MGAT4D: variants seen among roughly 807,000 people sequenced by gnomAD.
MGAT4D encodes MGAT4 family member D.
A neutral mutation model predicts 15.9 loss-of-function variants in MGAT4D; 34 were observed. That is an observed-to-expected ratio of 2.14 (90% CI 1.62 to 2.84). MGAT4D has a LOEUF of 2.84. Among genes scored for constraint, MGAT4D ranks in the 30% most tolerant of loss-of-function variants. The pLI, the probability that MGAT4D is intolerant of heterozygous loss-of-function variation, is 0.00. For missense variants in MGAT4D, 327 were observed against 140.2 expected, an observed-to-expected ratio of 2.33 and a Z score of -6.73; for synonymous variants, 112 against 48.2, an observed-to-expected ratio of 2.33 and a Z score of -5.49.
intron 5 of MGAT4D, among the ~76,000 whole-genome samples, chr4:140,468,903 C>T (rs985146748): frequency 6.6e-6 from 1 of 152,078 alleles, no homozygotes; most frequent in Non-Finnish European, 1.5e-5. Flanking sequence ...TTTCCCCCAA[C>T]AAATTAATTT....
chr4:140,479,154 G>C (rs1001809381), intron 3 of MGAT4D, among the ~76,000 whole-genome samples: 1 of 152,106 alleles, frequency 6.6e-6, no homozygotes, highest in African/African-American at 2.4e-5. Flanking sequence ...GAAAGACTGG[G>C]AAACAGTAAA....
At chr4:140,444,428 G>A (rs139801499) in intron 10 of MGAT4D, among the ~76,000 whole-genome samples, 15 of 152,016 alleles carry the variant, frequency 9.9e-5, no homozygotes, top group Non-Finnish European at 1.9e-4. Context: ...GTGTCCATGC[G>A]TTCTCATCAT....
intron 3 of MGAT4D, among the ~76,000 whole-genome samples, chr4:140,476,694 A>G (rs775500978): frequency 2.2e-4 from 34 of 152,180 alleles, no homozygotes; most frequent in Non-Finnish European, 4.1e-4. Context: ...CTTACCTCGA[A>G]GCCTTTGCAC....
chr4:140,462,996 A>G (rs1731295310), intron 6 of MGAT4D, among the ~76,000 whole-genome samples: 1 of 152,184 alleles, frequency 6.6e-6, no homozygotes, highest in Non-Finnish European at 1.5e-5. Flanking sequence ...AGATGGCTGA[A>G]AAACTGCGAG....
At chr4:140,453,330 A>C (rs1835645) in intron 9 of MGAT4D, among the ~76,000 whole-genome samples, 56,805 of 151,802 alleles carry the variant, frequency 0.37, 10,968 homozygotes, top group South Asian at 0.54. Flanking sequence ...TGTTACATCC[A>C]TAGACCAATT....
chr4:140,472,903 T>C lies in MGAT4D; in HGVS notation c.526-1082A>G, dbSNP rs143813762. ...CAATGATTTTAATCTTTCATTTCTA[T>C]TTTTCTAATAGTTCTTCTATTGCTT... On this transcript the variant is annotated intron_variant, in intron 4 of 10. Transcript: ENST00000511113. Among the ~76,000 whole-genome samples, 16 of 152,300 alleles carry C rather than the reference T, an allele frequency of 1.1e-4. No homozygotes were observed. The Middle Eastern group carries it at 0.01, about 97-fold the overall frequency.
intron 4 of MGAT4D, among the ~76,000 whole-genome samples, chr4:140,472,023 T>C (rs921379583): frequency 1.3e-5 from 2 of 152,126 alleles, no homozygotes; most frequent in African/African-American, 4.8e-5. Context: ...AAATATTTCA[T>C]TCTTTTCCCT....
chr4:140,463,392 C>T (rs1731321617), intron 6 of MGAT4D, among the ~76,000 whole-genome samples: 1 of 151,918 alleles, frequency 6.6e-6, no homozygotes, highest in Non-Finnish European at 1.5e-5. Context: ...GCACAGAAGC[C>T]ACTGCCAAAG....
intron 1 of MGAT4D, among the ~76,000 whole-genome samples, chr4:140,488,969 C>T (rs1371216858): frequency 6.6e-6 from 1 of 152,154 alleles, no homozygotes; most frequent in Non-Finnish European, 1.5e-5. Flanking sequence ...CATATGTCAG[C>T]ACCATGTTTG....
At chr4:140,478,906 G>C (rs1732517086) in intron 3 of MGAT4D, among the ~76,000 whole-genome samples, 1 of 152,096 alleles carries the variant, frequency 6.6e-6, no homozygotes, top group Non-Finnish European at 1.5e-5. Flanking sequence ...GCATAACTAT[G>C]TTCCAACAAA....
intron 10 of MGAT4D, among the ~76,000 whole-genome samples, chr4:140,444,533 C>T (rs987598637): frequency 6.6e-6 from 1 of 152,124 alleles, no homozygotes; most frequent in African/African-American, 2.4e-5. Context: ...CATCCATGTG[C>T]CTGCAAAGGA....
chr4:140,490,765 T>C (rs1733450694), intron 1 of MGAT4D, among the ~76,000 whole-genome samples: 1 of 152,266 alleles, frequency 6.6e-6, no homozygotes, highest in Non-Finnish European at 1.5e-5. Context: ...ATCAACTTTA[T>C]TTTGGTTTGG....
chr4:140,491,958 T>C (rs952204339), intron 1 of MGAT4D, among the ~76,000 whole-genome samples: 2 of 152,096 alleles, frequency 1.3e-5, no homozygotes, highest in Admixed American at 1.3e-4. Context: ...CAAATGGTGT[T>C]GTGCACTTTG....
rs549166598 is a variant in MGAT4D, at chr4:140,451,501, C to A, written c.1025G>T (p.Arg342Leu). 3.5e-6 allele frequency: 2 copies of A among 572,522 alleles called. No homozygotes were observed. Among genetic ancestry groups the A allele is most frequent in the African/African-American group, 1.9e-5 (1 of 53,792 alleles). The allele number at this position is 572,522 out of a possible 1,614,324, so 35.5% of individuals were successfully genotyped here. A position where few individuals can be genotyped will look rare whatever the true frequency, so the allele number is the denominator to read the frequency against. ...ATACTGAATACGTATTTGCTTCTTTCGTTTCATACAGTTTCTCTGGGGAAA... is the reference window on the plus strand; with the variant it reads ...ATACTGAATACGTATTTGCTTCTTTAGTTTCATACAGTTTCTCTGGGGAAA... Reference protein sequence around the residue: ...AGEDLRNCMKRKKQIRIQYKP... With the variant: ...AGEDLRNCMKLKKQIRIQYKP... The change falls in exon 10 of 11, where the codon CGA becomes CTA. Residue 342 changes from arginine (R) to leucine (L), a missense_variant. By Grantham distance (102) the Arg-to-Leu change is moderately radical (BLOSUM62 -2). Transcript: ENST00000511113.
chr4:140,457,176 A>C (rs894734501), intron 8 of MGAT4D: 1 of 151,982 alleles, frequency 6.6e-6, no homozygotes, highest in African/African-American at 2.4e-5. Flanking sequence ...TTATTTTAAC[A>C]GGATGTTATT....
At chr4:140,453,715 C>T (rs1019322030) in intron 9 of MGAT4D, among the ~76,000 whole-genome samples, 5 of 151,772 alleles carry the variant, frequency 3.3e-5, no homozygotes, top group African/African-American at 1.2e-4. Flanking sequence ...TGGCAATTAC[C>T]CCCTGGCTTT....
At chr4:140,476,084 T>C (rs931166201) in intron 3 of MGAT4D, among the ~76,000 whole-genome samples, 1 of 152,192 alleles carries the variant, frequency 6.6e-6, no homozygotes, top group Non-Finnish European at 1.5e-5. Context: ...AGTGCTGGGA[T>C]TACAGGCATG....
chr4:140,461,880 T>TATAC (rs1731200570), intron 7 of MGAT4D, 49 bp downstream of exon 7: 6 of 535,374 alleles, frequency 1.1e-5, no homozygotes, highest in Middle Eastern at 2.9e-4. Context: ...AATTGGTGTA[T>TATAC]ACACACACAC....
rs191380186 is a variant in MGAT4D at position 140,458,088 on chromosome 4, C to T, written c.878-1369G>A. On this transcript the variant is annotated intron_variant, in intron 8 of 10. Coordinates refer to ENST00000511113, the MANE Select transcript of MGAT4D (RefSeq NM_001277353.2). ...AACTTTTACGCACTGCTTATGAGAGCGTAAACCGTATAACCAATCTGTAAA... is the reference window on the plus strand; with the variant it reads ...AACTTTTACGCACTGCTTATGAGAGTGTAAACCGTATAACCAATCTGTAAA... The T allele has an allele frequency of 4.6e-5, 7 of 152,282 alleles. No individual in the cohort carries two copies. In the South Asian group the frequency reaches 6.2e-4, roughly 14 times the overall value. 9.4% of individuals were successfully genotyped at this position (152,282 alleles called of 1,614,324 possible).
Sources: gnomAD v4.1 joint callset for allele counts (sites outside exome capture counted in the v4.1 genomes callset) on GRCh38, gnomAD v4.1.1 for gene constraint, MANE v1.5 for transcripts, NCBI Gene and HGNC (gene_info 2026-07-23, HGNC 2026-07-21) for gene names.